Variants in ADGRL3 observed in about 807,000 individuals in gnomAD.
ADGRL3 encodes the protein adhesion G protein-coupled receptor L3.
ADGRL3 carries 62 observed loss-of-function variants against 153.5 expected under a neutral mutation model. That is an observed-to-expected ratio of 0.40 (90% CI 0.33 to 0.50). ADGRL3 has a LOEUF of 0.50. Among genes scored for constraint, ADGRL3 ranks in the 20% least tolerant of loss-of-function variants. The pLI is 0.47. For missense variants in ADGRL3, 1,641 were observed against 1,859.4 expected (o/e 0.88, Z 2.16); for synonymous variants, 710 against 672.5 (o/e 1.06, Z -0.86).
intron 1 of ADGRL3, among the ~76,000 whole-genome samples, chr4:61,306,316 T>C (rs1164699987): frequency 1.3e-5 from 2 of 151,968 alleles, no homozygotes; most frequent in Non-Finnish European, 1.5e-5. Context: ...GCCAGGATGG[T>C]CTCAAACTCC....
intron 2 of ADGRL3, among the ~76,000 whole-genome samples, chr4:61,447,260 A>G (rs2152499180): frequency 6.6e-6 from 1 of 152,190 alleles, no homozygotes; most frequent in African/African-American, 2.4e-5. Flanking sequence ...CCTTTGTGTT[A>G]CTGTTTCTCT....
At chr4:61,475,706 A>G (rs1579069879) in intron 2 of ADGRL3, among the ~76,000 whole-genome samples, 1 of 152,142 alleles carries the variant, frequency 6.6e-6, no homozygotes, top group Non-Finnish European at 1.5e-5. Flanking sequence ...AGCTTTGATA[A>G]TGTTTCAAGG....
chr4:61,456,477 CTATATATATAGATATA>C (rs1560665388), intron 2 of ADGRL3, among the ~76,000 whole-genome samples: 4 of 105,710 alleles, frequency 3.8e-5, no homozygotes, highest in Non-Finnish European at 5.7e-5. Flanking sequence ...ATATCTATAT[CTATATATATAGATATA>C]TCTATATCTA....
intron 8 of ADGRL3, among the ~76,000 whole-genome samples, chr4:61,802,179 G>A (rs1436103331): frequency 6.6e-6 from 1 of 152,130 alleles, no homozygotes; most frequent in Non-Finnish European, 1.5e-5. Flanking sequence ...GGCCAAAGAA[G>A]AGCTGATAAA....
chr4:61,439,569 A>G (rs537130089), intron 2 of ADGRL3, among the ~76,000 whole-genome samples: 5 of 152,238 alleles, frequency 3.3e-5, no homozygotes, highest in African/African-American at 9.6e-5. Flanking sequence ...CCCGTCACCT[A>G]TATTAGGTAT....
chr4:61,472,428 T>G (rs1430266556), intron 2 of ADGRL3, among the ~76,000 whole-genome samples: 1 of 152,066 alleles, frequency 6.6e-6, no homozygotes, highest in Admixed American at 6.6e-5. Context: ...TTGTGGAGAA[T>G]CCACTTCCAA....
intron 1 of ADGRL3, among the ~76,000 whole-genome samples, chr4:61,286,709 T>A (rs1366111942): frequency 6.6e-6 from 1 of 151,728 alleles, no homozygotes; most frequent in Non-Finnish European, 1.5e-5. Flanking sequence ...TAAATTCTTA[T>A]GTAAATTTAT....
rs1179641391 is a variant in ADGRL3 at position 61,228,619 on chromosome 4, T to TA, written c.-240+26858dup. Among the ~76,000 whole-genome samples, 20 of 152,330 alleles carry TA rather than the reference T, an allele frequency of 1.3e-4. No individual in the cohort carries two copies. In the East Asian group the frequency reaches 3.5e-3, roughly 26 times the overall value. On this transcript the variant is annotated intron_variant, in intron 1 of 26. Transcript: ENST00000683033. ...GACAGATGAAAATTTGGATTATTTG[T>TA]AAAAGAGCTTCCTTAGTCCTTAATA...
chr4:62,009,463 C>T (rs1035551178), intron 21 of ADGRL3, among the ~76,000 whole-genome samples: 4 of 151,816 alleles, frequency 2.6e-5, no homozygotes, highest in African/African-American at 7.3e-5. Flanking sequence ...GTGTGTAATA[C>T]ATCTTTTTGG....
At chr4:61,816,212 A>T (rs537376595) in intron 9 of ADGRL3, among the ~76,000 whole-genome samples, 1 of 152,352 alleles carries the variant, frequency 6.6e-6, no homozygotes, top group East Asian at 1.9e-4. Context: ...ATAAGACAGT[A>T]TAGTGATCTA....
chr4:61,956,311 A>G (rs548185089), intron 17 of ADGRL3, among the ~76,000 whole-genome samples: 9 of 151,672 alleles, frequency 5.9e-5, no homozygotes, highest in Non-Finnish European at 1.2e-4. Context: ...TTTTTTTCCT[A>G]TGTTTGTTGG....
intron 4 of ADGRL3, among the ~76,000 whole-genome samples, chr4:61,572,627 T>C (rs1257713910): frequency 2.6e-5 from 4 of 152,092 alleles, no homozygotes; most frequent in Non-Finnish European, 4.4e-5. Context: ...TTAGAAATTT[T>C]AACCCATGGC....
intron 1 of ADGRL3, among the ~76,000 whole-genome samples, chr4:61,203,954 C>G (rs540835342): frequency 1.3e-5 from 2 of 150,942 alleles, no homozygotes; most frequent in South Asian, 2.1e-4. Context: ...AAAGACTGTA[C>G]ATAGATAAAC....
intron 5 of ADGRL3, 124 bp from the exon 6 acceptor site, chr4:61,676,702 C>T (rs1281082825): frequency 1.4e-6 from 1 of 700,198 alleles, no homozygotes; most frequent in African/African-American, 1.8e-5. Context: ...GGCCTAAAGC[C>T]CCAAATTAAG....
At chr4:61,902,466 G>A (rs2098669832) in intron 11 of ADGRL3, among the ~76,000 whole-genome samples, 1 of 152,016 alleles carries the variant, frequency 6.6e-6, no homozygotes. Context: ...CCCTGAATTT[G>A]ACTTCAAATA....
chr4:61,225,428 A>C (rs962454230), intron 1 of ADGRL3, among the ~76,000 whole-genome samples: 1 of 152,070 alleles, frequency 6.6e-6, no homozygotes, highest in Non-Finnish European at 1.5e-5. Flanking sequence ...CCATTTCTCC[A>C]CTTGCCTGTC....
rs143600110 is a variant in ADGRL3, at chr4:61,817,950, T to A, written c.1480+4061T>A. On this transcript the variant is annotated intron_variant, in intron 9 of 26. Coordinates refer to ENST00000683033, the MANE Select transcript of ADGRL3 (RefSeq NM_001387552.1). ...TGAGAGCTACAATGCAAGATGAGAT[T>A]TGGGTAGAGACACAGCCAAACCATA... Among the ~76,000 whole-genome samples the A allele has an allele frequency of 7.8e-3, 1,191 of 152,178 alleles. 13 individuals are homozygous for A. The highest frequency in any genetic ancestry group is 0.024 in the African/African-American group (1,012 of 41,516).
At chr4:61,526,156 C>T (rs1007141737) in intron 4 of ADGRL3, among the ~76,000 whole-genome samples, 3 of 152,084 alleles carry the variant, frequency 2.0e-5, no homozygotes, top group African/African-American at 7.2e-5. Context: ...CTTGGCCAGC[C>T]TCTGCTAATG....
At chr4:61,440,875 A>G (rs1026302357) in intron 2 of ADGRL3, among the ~76,000 whole-genome samples, 1 of 152,210 alleles carries the variant, frequency 6.6e-6, no homozygotes, top group African/African-American at 2.4e-5. Context: ...TGGAATATAT[A>G]TGAAGTCATG....
Sources: gnomAD v4.1 joint callset for allele counts (sites outside exome capture counted in the v4.1 genomes callset) on GRCh38, gnomAD v4.1.1 for gene constraint, MANE v1.5 for transcripts, NCBI Gene and HGNC (gene_info 2026-07-23, HGNC 2026-07-21) for gene names.